The following MLYCD variants were observed in gnomAD, a reference collection of about 807,000 sequenced individuals.
MLYCD encodes the protein malonyl-CoA decarboxylase, mitochondrial.
A neutral mutation model predicts 35.8 loss-of-function variants in MLYCD; 27 were observed. The observed-to-expected ratio is 0.75, with a 90% CI of 0.56 to 1.04. MLYCD has a LOEUF of 1.04. Ranked by LOEUF, MLYCD falls within the 50% of genes least tolerant of loss-of-function variation. The probability of loss-of-function intolerance (pLI) is 0.00; values close to 1 mark genes in which losing one functional copy is unlikely to be tolerated. For missense variants in MLYCD, 917 were observed against 665.1 expected, an observed-to-expected ratio of 1.38 and a Z score of -4.17; for synonymous variants, 403 against 302.4, an observed-to-expected ratio of 1.33 and a Z score of -3.45.
At chr16:83,908,061 A>G in intron 2 of MLYCD, 65 bp from the exon 3 acceptor site, 1 of 1,589,410 alleles carries the variant, frequency 6.3e-7, no homozygotes, top group South Asian at 1.1e-5. Context: ...TAGTATGAAT[A>G]GGAGTCAGCA....
chr16:83,919,997 CA>C lies in MLYCD; in HGVS notation c.*4510del, dbSNP rs1457587152. On this transcript the variant is annotated 3_prime_UTR_variant, in exon 5 of 5. Coordinates refer to ENST00000262430, the MANE Select transcript of MLYCD (RefSeq NM_012213.3). Reference sequence around the variant, plus strand: ...CAGAACACACGCAGTGCACAGGACACAACAGAACACACGTGCACAGGAGAAC... The same window carrying C: ...CAGAACACACGCAGTGCACAGGACACACAGAACACACGTGCACAGGAGAAC... 6.4e-5 allele frequency: 9 copies of C among 139,632 alleles called. No homozygotes were observed. The highest frequency in any genetic ancestry group is 2.9e-4 in the African/African-American group (9 of 31,508). The allele number at this position is 139,632 out of a possible 1,614,324, so 8.6% of individuals were successfully genotyped here. A position where few individuals can be genotyped will look rare whatever the true frequency, so the allele number is the denominator to read the frequency against.
chr16:83,913,928 T>C (rs1159993731), intron 4 of MLYCD: 3 of 151,932 alleles, frequency 2.0e-5, no homozygotes, highest in Admixed American at 2.0e-4. Context: ...TATTACTCTG[T>C]GGTTAAAATC....
At position 83,899,454 on chromosome 16, in the gene MLYCD, G is replaced by A; in HGVS notation, c.310G>A (p.Glu104Lys). Residue 104 changes from glutamate (E) to lysine (K), a missense_variant, in exon 1 of 5, where the codon GAG becomes AAG. Glu to Lys is a moderately conservative substitution (Grantham distance 56). Coordinates refer to ENST00000262430, the MANE Select transcript of MLYCD (RefSeq NM_012213.3). Reference protein sequence around the residue: ...GFGVDHGQVAEQSAGVLHLRQ... With the variant: ...GFGVDHGQVAKQSAGVLHLRQ... ...CGGCGTGGACCACGGCCAGGTGGCG[G>A]AGCAGAGCGCCGGCGTGCTCCATCT... is the stretch of plus-strand genomic sequence containing the variant. 2.6e-6 allele frequency: 4 copies of A among 1,528,784 alleles called. No individual in the cohort carries two copies. Among genetic ancestry groups the A allele is most frequent in the African/African-American group, 1.4e-5 (1 of 70,038 alleles). 94.7% of individuals were successfully genotyped at this position (1,528,784 alleles called of 1,614,324 possible).
In MLYCD at chr16:83,915,924, A is replaced by T. The variant is rs1023956364; in HGVS notation, c.*435A>T. On this transcript the variant is annotated 3_prime_UTR_variant, in exon 5 of 5. Coordinates refer to ENST00000262430, the MANE Select transcript of MLYCD (RefSeq NM_012213.3). Reference sequence around the variant, plus strand: ...TGTGCTCATAAAACAGAATGCGGCGATGGTTGCTTTAGCCGTTTCTCACCA... The same window carrying T: ...TGTGCTCATAAAACAGAATGCGGCGTTGGTTGCTTTAGCCGTTTCTCACCA... The T allele has an allele frequency of 4.6e-6, 5 of 1,079,358 alleles. No individual in the cohort carries two copies. In the African/African-American group the frequency reaches 8.1e-5, roughly 18 times the overall value. 66.9% of individuals were successfully genotyped at this position (1,079,358 alleles called of 1,614,324 possible). A position where few individuals can be genotyped will look rare whatever the true frequency, so the allele number is the denominator to read the frequency against.
rs1907365824 is a variant in MLYCD, at chr16:83,915,857, A to T, written c.*368A>T. 1 of 1,200,704 alleles carries T rather than the reference A, an allele frequency of 8.3e-7. No homozygotes were observed. The highest frequency in any genetic ancestry group is 1.0e-6 in the Non-Finnish European group (1 of 954,178). The allele number at this position is 1,200,704 out of a possible 1,614,324, so 74.4% of individuals were successfully genotyped here. A position where few individuals can be genotyped will look rare whatever the true frequency, so the allele number is the denominator to read the frequency against. ...TCCCAGGGGGATCTGGCATCCTCCTAAGGACCGGGGCGCGTGGCCCAGATA... is the reference window on the plus strand; with the variant it reads ...TCCCAGGGGGATCTGGCATCCTCCTTAGGACCGGGGCGCGTGGCCCAGATA... On this transcript the variant is annotated 3_prime_UTR_variant, in exon 5 of 5. Coordinates refer to ENST00000262430, the MANE Select transcript of MLYCD (RefSeq NM_012213.3).
In MLYCD at chr16:83,916,760, G is replaced by A. The variant is rs1266138188; in HGVS notation, c.*1271G>A. On this transcript the variant is annotated 3_prime_UTR_variant, in exon 5 of 5. Transcript: ENST00000262430. Reference sequence around the variant, plus strand: ...TGCCCGAGCGTCTCTGTGTGGATCAGTGCACGTCTGTGTGCATGTGCACGA... The same window carrying A: ...TGCCCGAGCGTCTCTGTGTGGATCAATGCACGTCTGTGTGCATGTGCACGA... 7.2e-6 allele frequency: 1 copy of A among 139,804 alleles called. No individual in the cohort carries two copies. The highest frequency in any genetic ancestry group is 2.4e-4 in the South Asian group (1 of 4,254). 8.7% of individuals were successfully genotyped at this position (139,804 alleles called of 1,614,324 possible).
intron 3 of MLYCD, among the ~76,000 whole-genome samples, chr16:83,910,013 C>T (rs994079882): frequency 3.9e-5 from 6 of 152,010 alleles, no homozygotes; most frequent in Admixed American, 1.3e-4. Context: ...CAAGTAAGGG[C>T]GGAACTGGAA....
chr16:83,921,929 C>A lies in MLYCD; in HGVS notation c.*6440C>A, dbSNP rs1443470367. On this transcript the variant is annotated 3_prime_UTR_variant, in exon 5 of 5. Transcript: ENST00000262430. ...AAAGTGCTACTCAGTGCCCAGGTGA[C>A]ATCGTCACAAGGGGAACACAGTGGC... The A allele has an allele frequency of 7.2e-6, 1 of 138,212 alleles. No homozygotes were observed. Among genetic ancestry groups the A allele is most frequent in the Non-Finnish European group, 1.6e-5 (1 of 61,198 alleles). The allele number at this position is 138,212 out of a possible 1,614,324, so 8.6% of individuals were successfully genotyped here.
Position 83,922,025 on chromosome 16 carries a change from A to G in MLYCD, c.*6536A>G, listed in dbSNP as rs1357187412. ...TTGCTCTCAGGAACCCTGGGCAACA[A>G]CTGTGACCACAGTGTCTTCCTCTGG... is the stretch of plus-strand genomic sequence containing the variant. On this transcript the variant is annotated 3_prime_UTR_variant, in exon 5 of 5. Coordinates refer to ENST00000262430, the MANE Select transcript of MLYCD (RefSeq NM_012213.3). 1 of 149,166 alleles carries G rather than the reference A, an allele frequency of 6.7e-6. No homozygotes were observed. Among genetic ancestry groups the G allele is most frequent in the African/African-American group, 2.4e-5 (1 of 41,158 alleles). The allele number at this position is 149,166 out of a possible 1,614,324, so 9.2% of individuals were successfully genotyped here. A position where few individuals can be genotyped will look rare whatever the true frequency, so the allele number is the denominator to read the frequency against.
intron 1 of MLYCD, among the ~76,000 whole-genome samples, chr16:83,901,912 C>T (rs916484660): frequency 1.3e-5 from 2 of 152,026 alleles, no homozygotes; most frequent in Non-Finnish European, 1.5e-5. Flanking sequence ...GAATGAATAA[C>T]GACAGTCTGA....
chr16:83,909,082 CA>C (rs1028560342), intron 3 of MLYCD, among the ~76,000 whole-genome samples: 17 of 152,200 alleles, frequency 1.1e-4, no homozygotes, highest in Admixed American at 2.6e-4. Flanking sequence ...CAAGGAGAAA[CA>C]CATTCCCTTA....
intron 2 of MLYCD, 59 bp downstream of exon 2, chr16:83,907,158 GT>G: frequency 7.2e-7 from 1 of 1,391,134 alleles, no homozygotes; most frequent in Non-Finnish European, 1.0e-6. Context: ...ATTTGTGTAT[GT>G]TTTATATTGG....
intron 2 of MLYCD, among the ~76,000 whole-genome samples, chr16:83,907,875 C>G (rs1907037259): frequency 6.6e-6 from 1 of 152,130 alleles, no homozygotes; most frequent in African/African-American, 2.4e-5. Flanking sequence ...TTCCCCGGAG[C>G]CTCACAAACT....
rs1197182419 is a variant in MLYCD, at chr16:83,912,240, C to T, written c.821C>T (p.Pro274Leu). 1.9e-6 allele frequency: 3 copies of T among 1,614,096 alleles called. No homozygotes were observed. Among genetic ancestry groups the T allele is most frequent in the East Asian group, 4.5e-5 (2 of 44,880 alleles). ...CAGGCAATCGTGAAGGAACATCCTCCATCAGAAACAGAAGAGAAGAACAAA... is the reference window on the plus strand; with the variant it reads ...CAGGCAATCGTGAAGGAACATCCTCTATCAGAAACAGAAGAGAAGAACAAA... ...NIQAIVKEHPPSETEEKNKIT... is the reference protein window; with the variant it reads ...NIQAIVKEHPLSETEEKNKIT... The change falls in exon 4 of 5, where the codon CCA becomes CTA. Residue 274 changes from proline to leucine, a missense_variant. Pro to Leu is a moderately conservative substitution (Grantham distance 98, BLOSUM62 -3). Transcript: ENST00000262430.
At position 83,925,619 on chromosome 16, in the gene MLYCD, C is replaced by T. The variant is rs533608315; in HGVS notation, c.*10130C>T. 2 of 152,512 alleles carry T rather than the reference C, an allele frequency of 1.3e-5. No individual in the cohort carries two copies. The highest frequency in any genetic ancestry group is 3.9e-4 in the East Asian group (2 of 5,168). The allele number at this position is 152,512 out of a possible 1,614,324, so 9.4% of individuals were successfully genotyped here. A position where few individuals can be genotyped will look rare whatever the true frequency, so the allele number is the denominator to read the frequency against. ...CACCCTCCCTGTCACACACAGCCCC[C>T]TCCGTGGCCTCTCAAGCCTGCTGTG... On this transcript the variant is annotated 3_prime_UTR_variant, in exon 5 of 5. Coordinates refer to ENST00000262430, the MANE Select transcript of MLYCD (RefSeq NM_012213.3).
chr16:83,921,372 TG>T lies in MLYCD; in HGVS notation c.*5885del, dbSNP rs1907647738. The T allele has an allele frequency of 7.5e-6, 1 of 133,478 alleles. No homozygotes were observed. The highest frequency in any genetic ancestry group is 2.5e-4 in the South Asian group (1 of 4,040). 8.3% of individuals were successfully genotyped at this position (133,478 alleles called of 1,614,324 possible). ...AGGAAAGGAAAGGAGGATGGATGGA[TG>T]GATGGATGGATAGATGGATGGAGGA... is the stretch of plus-strand genomic sequence containing the variant. On this transcript the variant is annotated 3_prime_UTR_variant, in exon 5 of 5. Transcript: ENST00000262430.
intron 4 of MLYCD, chr16:83,914,515 A>C (rs1809224776): frequency 3.6e-6 from 1 of 276,778 alleles, no homozygotes; most frequent in Admixed American, 5.0e-5. Context: ...GTCCCCCAAC[A>C]CTCTAGTCTC....
At chr16:83,906,677 C>T (rs965518056) in intron 1 of MLYCD, among the ~76,000 whole-genome samples, 1 of 152,210 alleles carries the variant, frequency 6.6e-6, no homozygotes. Context: ...AGTATGCTCA[C>T]TATGGTGAAC....
chr16:83,913,479 G>A (rs1907255137), intron 4 of MLYCD: 1 of 152,298 alleles, frequency 6.6e-6, no homozygotes, highest in Non-Finnish European at 1.5e-5. Context: ...GTCCTCAAAG[G>A]GAGTCTGGAA....
Sources: allele counts gnomAD v4.1 joint callset (sites outside exome capture counted in the v4.1 genomes callset), GRCh38; gene constraint gnomAD v4.1.1; transcripts MANE v1.5; gene names NCBI Gene and HGNC (gene_info 2026-07-23, HGNC 2026-07-21).